A2M: variants seen among roughly 807,000 people sequenced by gnomAD.
A2M encodes C3 and PZP-like alpha-2-macroglobulin domain-containing protein 5.
In A2M, 128 loss-of-function variants were observed where a neutral mutation model predicts 183.9. The ratio of observed to expected loss-of-function variants is 0.70; its 90% confidence interval spans 0.60 to 0.81. The LOEUF is 0.81. A2M is among the 30% of genes least tolerant of loss of function. A2M has a pLI of 0.00. For synonymous variants in A2M, 592 were observed against 670.8 expected (o/e 0.88, Z 1.81); for missense variants, 1,495 against 1,787.6 (o/e 0.84, Z 2.95).
chr12:9,082,958 T>C (rs1254346939), intron 22 of A2M, among the ~76,000 whole-genome samples: 1 of 152,160 alleles, frequency 6.6e-6, no homozygotes, highest in Non-Finnish European at 1.5e-5. Context: ...CTGGGTCAAA[T>C]GTATTTCTAG....
intron 14 of A2M, among the ~76,000 whole-genome samples, chr12:9,099,144 A>G (rs1949475248): frequency 6.6e-6 from 1 of 152,182 alleles, no homozygotes; most frequent in African/African-American, 2.4e-5. Context: ...AGAAGAAGGG[A>G]ATAACATACT....
At chr12:9,116,019 T>A, upstream of A2M, 1 of 673,550 alleles carries the variant, frequency 1.5e-6, no homozygotes, top group Non-Finnish European at 2.7e-6. Flanking sequence ...CTCTGAACAT[T>A]CTCTGGAAAG....
intron 31 of A2M, among the ~76,000 whole-genome samples, chr12:9,071,128 G>A (rs1948563571): frequency 6.6e-6 from 1 of 152,128 alleles, no homozygotes; most frequent in Non-Finnish European, 1.5e-5. Flanking sequence ...CTGAGGATCT[G>A]CATTTTAAGA....
Position 9,112,369 on chromosome 12 carries a change from C to T in A2M, c.430+8G>A, listed in dbSNP as rs1278476672. On this transcript the variant is annotated splice_region_variant and intron_variant, in intron 3 of 35. Transcript: ENST00000318602. ...TTGAAGTTGTCCTGTCTGTAGGCTT[C>T]TTCATACCTGTCTGCCCTGGTTTGT... The T allele has an allele frequency of 2.5e-5, 40 of 1,612,918 alleles. No individual in the cohort carries two copies. Among genetic ancestry groups the T allele is most frequent in the Non-Finnish European group, 3.3e-5 (39 of 1,179,224 alleles).
chr12:9,090,659 CA>C, intron 19 of A2M, 177 bp from the exon 20 acceptor site: 6 of 636,224 alleles, frequency 9.4e-6, no homozygotes, highest in Non-Finnish European at 1.6e-5. Flanking sequence ...ATCAGATTTA[CA>C]CAGGTAAATC....
chr12:9,090,960 TTTTGTCACCCCTGTCAGAA>T (rs1292462758), intron 19 of A2M, among the ~76,000 whole-genome samples: 2 of 152,180 alleles, frequency 1.3e-5, no homozygotes, highest in African/African-American at 4.8e-5. Flanking sequence ...GAGTACTGAC[TTTTGTCACCCCTGTCAGAA>T]TTCTTCATAC....
At position 9,072,739 on chromosome 12, in the gene A2M, GGTTGTT is replaced by G. The variant is rs1948615505; in HGVS notation, c.3883_3888del (p.Asn1295_Asn1296del). The G allele has an allele frequency of 1.2e-6, 2 of 1,614,018 alleles. No homozygotes were observed. Among genetic ancestry groups the G allele is most frequent in the Admixed American group, 1.7e-5 (1 of 60,000 alleles). ...AATGAGACCTGCTGCAGTAACAGGCGGTTGTTGTTGTCCACTTGGAATTTGCTGGAA... is the reference window on the plus strand; with the variant it reads ...AATGAGACCTGCTGCAGTAACAGGCGGTTGTCCACTTGGAATTTGCTGGAA... On this transcript the variant is annotated inframe_deletion, in exon 30 of 36. Transcript: ENST00000318602.
Position 9,107,572 on chromosome 12 carries a change from G to A in A2M, c.831C>T (p.Asp277=). 6.2e-7 allele frequency: 1 copy of A among 1,613,964 alleles called. No homozygotes were observed. Residue 277 remains aspartate (D), a synonymous_variant, in exon 8 of 36, where the codon GAC becomes GAT. Coordinates refer to ENST00000318602, the MANE Select transcript of A2M (RefSeq NM_000014.6). ...AAGCCTGTGAATCTTCACCGTGGCA[G>A]TCGGAAGCGTCACTATACTTTCTGC... ...SICRKYSDAS[D]CHGEDSQAFC... is the part of the protein sequence containing the mutation.
intron 19 of A2M, 47 bp from the exon 20 acceptor site, chr12:9,090,529 G>A (rs750589707): frequency 6.3e-7 from 1 of 1,596,036 alleles, no homozygotes; most frequent in Non-Finnish European, 8.6e-7. Flanking sequence ...GGAGAACAGA[G>A]GGAGAATGGG....
intron 11 of A2M, 131 bp downstream of exon 11, chr12:9,104,108 C>T: frequency 1.1e-6 from 1 of 894,982 alleles, no homozygotes; most frequent in South Asian, 1.9e-5. Flanking sequence ...AGTTAACCTT[C>T]AATCGGTTTC....
Position 9,090,538 on chromosome 12 carries a change from G to T in A2M, c.2470-56C>A. ...AGGGAAGGAGAACAGAGGGAGAATG[G>T]GTTTGAAGTAAAGCATCTTGAGGAA... On this transcript the variant is annotated intron_variant, in intron 19 of 35. Coordinates refer to ENST00000318602, the MANE Select transcript of A2M (RefSeq NM_000014.6). The T allele has an allele frequency of 1.9e-6, 3 of 1,577,054 alleles. No homozygotes were observed. The South Asian group carries it at 3.4e-5, about 18-fold the overall frequency.
Position 9,112,483 on chromosome 12 carries a change from T to C in A2M, c.324A>G (p.Lys108=). The part of the protein sequence containing the change: ...EEVMFLTVQV[K]GPTQEFKKRT... ...GCTTCTTAAATTCTTGGGTTGGTCC[T>C]TTCACTTGGACAGTGAGGAACATTA... The change falls in exon 3 of 36, where the codon AAA becomes AAG. Residue 108 remains lysine (K), a synonymous_variant. Coordinates refer to ENST00000318602, the MANE Select transcript of A2M (RefSeq NM_000014.6). The C allele has an allele frequency of 2.5e-6, 4 of 1,613,830 alleles. No homozygotes were observed. Among genetic ancestry groups the C allele is most frequent in the Non-Finnish European group, 3.4e-6 (4 of 1,179,786 alleles).
intron 16 of A2M, 67 bp downstream of exon 16, chr12:9,095,472 G>T: frequency 1.4e-6 from 2 of 1,473,622 alleles, no homozygotes; most frequent in South Asian, 1.2e-5. Flanking sequence ...TTCAAATACA[G>T]ACTCTTTTCC....
chr12:9,107,313 T>C (rs779337520), intron 8 of A2M, among the ~76,000 whole-genome samples: 1 of 152,340 alleles, frequency 6.6e-6, no homozygotes, highest in Non-Finnish European at 1.5e-5. Flanking sequence ...TGGCTCAGTG[T>C]CTATCGTTCT....
At position 9,072,638 on chromosome 12, in the gene A2M, G is replaced by T; in HGVS notation, c.3975+15C>A. On this transcript the variant is annotated intron_variant, in intron 30 of 35. Coordinates refer to ENST00000318602, the MANE Select transcript of A2M (RefSeq NM_000014.6). Reference sequence around the variant, plus strand: ...GTCCTCATCTGTCCTGTCCTCACCTGCCCAAGAGTCTCACCTGGAGGTAGA... The same window carrying T: ...GTCCTCATCTGTCCTGTCCTCACCTTCCCAAGAGTCTCACCTGGAGGTAGA... The T allele has an allele frequency of 2.5e-6, 4 of 1,612,964 alleles. No homozygotes were observed. Among genetic ancestry groups the T allele is most frequent in the South Asian group, 1.1e-5 (1 of 91,034 alleles).
intron 13 of A2M, 141 bp from the exon 14 acceptor site, chr12:9,099,664 C>G (rs1937671851): frequency 9.7e-7 from 1 of 1,029,174 alleles, no homozygotes; most frequent in Non-Finnish European, 1.4e-6. Flanking sequence ...AAAACCCTAT[C>G]AAAGCCCTCT....
At chr12:9,085,416 T>C (rs896171422) in intron 22 of A2M, among the ~76,000 whole-genome samples, 1 of 151,916 alleles carries the variant, frequency 6.6e-6, no homozygotes, top group Admixed American at 6.6e-5. Flanking sequence ...GAACAGCCAA[T>C]GGGTCAATAA....
intron 32 of A2M, among the ~76,000 whole-genome samples, 172 bp downstream of exon 32, chr12:9,070,316 G>T (rs1165530135): frequency 6.6e-6 from 1 of 152,200 alleles, no homozygotes; most frequent in Non-Finnish European, 1.5e-5. Flanking sequence ...ACAGTGCTCT[G>T]CACATGGTCA....
intron 1 of A2M, chr12:9,115,501 A>T (rs1409993641): frequency 2.2e-5 from 8 of 356,662 alleles, no homozygotes; most frequent in Non-Finnish European, 3.7e-5. Context: ...ATGAATGTGA[A>T]TATCTAAAAT....
Sources: allele counts gnomAD v4.1 joint callset (sites outside exome capture counted in the v4.1 genomes callset), GRCh38; gene constraint gnomAD v4.1.1; transcripts MANE v1.5; gene names NCBI Gene and HGNC (gene_info 2026-07-23, HGNC 2026-07-21).